The following IGF2BP2 variants were observed in gnomAD, a reference collection of about 807,000 sequenced individuals.
IGF2BP2 encodes insulin like growth factor 2 mRNA binding protein 2, also known as insulin-like growth factor 2 mRNA-binding protein 2.
Under a neutral mutation model 75.8 loss-of-function variants are expected in IGF2BP2, and 17 were observed. The observed-to-expected ratio is 0.22, with a 90% CI of 0.15 to 0.34. The LOEUF is 0.34. Ranked by LOEUF, IGF2BP2 falls within the 10% of genes least tolerant of loss-of-function variation. The probability of loss-of-function intolerance (pLI) is 1.00; values close to 1 mark genes in which losing one functional copy is unlikely to be tolerated. For missense variants in IGF2BP2, 516 were observed against 772.4 expected, an observed-to-expected ratio of 0.67 and a Z score of 3.93; for synonymous variants, 288 against 295.6, an observed-to-expected ratio of 0.97 and a Z score of 0.26.
intron 2 of IGF2BP2, among the ~76,000 whole-genome samples, chr3:185,762,392 G>C (rs1484219922): frequency 1.4e-5 from 2 of 142,632 alleles, no homozygotes; most frequent in African/African-American, 2.7e-5. Context: ...AAAAAGCCGG[G>C]TGTGGTGGCA....
chr3:185,659,697 T>C (rs1716099906), intron 10 of IGF2BP2, among the ~76,000 whole-genome samples: 1 of 152,078 alleles, frequency 6.6e-6, no homozygotes, highest in Non-Finnish European at 1.5e-5. Flanking sequence ...TTTTACTGAA[T>C]AGGTACTGTG....
intron 2 of IGF2BP2, among the ~76,000 whole-genome samples, chr3:185,804,345 T>C (rs1461242750): frequency 3.3e-5 from 5 of 151,776 alleles, no homozygotes; most frequent in African/African-American, 1.2e-4. Flanking sequence ...GGCAGGAGAA[T>C]TGCTTGAACC....
intron 14 of IGF2BP2, among the ~76,000 whole-genome samples, chr3:185,648,694 C>T (rs946839384): frequency 1.3e-4 from 20 of 152,288 alleles, no homozygotes; most frequent in South Asian, 1.2e-3. Flanking sequence ...CTACAGACCA[C>T]CTGGCTCATT....
chr3:185,798,370 T>A (rs1462579474), intron 2 of IGF2BP2, among the ~76,000 whole-genome samples: 1 of 152,206 alleles, frequency 6.6e-6, no homozygotes, highest in African/African-American at 2.4e-5. Context: ...TTTAGAGACT[T>A]AGGCTATCCA....
At chr3:185,734,333 T>C (rs1213843088) in intron 2 of IGF2BP2, among the ~76,000 whole-genome samples, 1 of 152,230 alleles carries the variant, frequency 6.6e-6, no homozygotes, top group Non-Finnish European at 1.5e-5. Context: ...GTGAAGTGAC[T>C]TGCCCAAGGT....
intron 2 of IGF2BP2, among the ~76,000 whole-genome samples, chr3:185,799,729 G>A (rs1251739322): frequency 6.6e-6 from 1 of 151,160 alleles, no homozygotes; most frequent in Non-Finnish European, 1.5e-5. Flanking sequence ...TCCAGCCTGG[G>A]AGACAGAGCG....
chr3:185,733,266 A>G (rs1728426024), intron 2 of IGF2BP2, among the ~76,000 whole-genome samples: 1 of 152,316 alleles, frequency 6.6e-6, no homozygotes, highest in South Asian at 2.1e-4. Context: ...CCATTTCCGT[A>G]TATTTCAGGA....
chr3:185,709,313 T>C lies in IGF2BP2; in HGVS notation c.240-10966A>G, dbSNP rs1055966361. 2.0e-5 allele frequency among the ~76,000 whole-genome samples: 3 copies of C among 152,252 alleles called. No individual in the cohort carries two copies. The South Asian group carries it at 6.2e-4, about 32-fold the overall frequency. ...TGGTTCTCCAAACAGCACTTGAATC[T>C]GTCCCTTTCCTTCCTCCCCTACTAC... On this transcript the variant is annotated intron_variant, in intron 2 of 15. Transcript: ENST00000382199.
At chr3:185,649,571 G>A (rs1439584015) in intron 13 of IGF2BP2, 37 bp from the exon 14 acceptor site, 1 of 1,611,216 alleles carries the variant, frequency 6.2e-7, no homozygotes, top group Non-Finnish European at 8.5e-7. Flanking sequence ...CTCTCAGTCA[G>A]CCAGCAGCCG....
At chr3:185,670,426 G>A (rs950880132) in intron 10 of IGF2BP2, among the ~76,000 whole-genome samples, 1 of 152,090 alleles carries the variant, frequency 6.6e-6, no homozygotes, top group Non-Finnish European at 1.5e-5. Flanking sequence ...CACTACAGGG[G>A]GAAAGCAGGA....
Position 185,649,438 on chromosome 3 carries a change from T to C in IGF2BP2, c.1558A>G (p.Thr520Ala). Residue 520 changes from threonine (T) to alanine (A), a missense_variant, in exon 14 of 16, where the codon ACA becomes GCA. Around this residue, in one of 3 missense-constraint regions of IGF2BP2, gnomAD observed 129 missense variants for 230.5 expected, o/e 0.56. Coordinates refer to ENST00000382199, the MANE Select transcript of IGF2BP2 (RefSeq NM_006548.6). ...CCTTTGCCAATCACCCGGCCAGCTG[T>C]GGAAGAGGGCACTCTGATATGCGCT... ...LEAHIRVPSS[T>A]AGRVIGKGGK... 1 of 1,613,998 alleles carries C rather than the reference T, an allele frequency of 6.2e-7. No individual in the cohort carries two copies. Among genetic ancestry groups the C allele is most frequent in the Non-Finnish European group, 8.5e-7 (1 of 1,180,004 alleles).
intron 2 of IGF2BP2, among the ~76,000 whole-genome samples, chr3:185,818,983 T>C (rs974366598): frequency 2.0e-5 from 3 of 152,182 alleles, no homozygotes; most frequent in African/African-American, 7.2e-5. Flanking sequence ...CTAAATCTTC[T>C]TTTAAAAATA....
At chr3:185,787,548 C>T (rs1033610285) in intron 2 of IGF2BP2, among the ~76,000 whole-genome samples, 2 of 152,070 alleles carry the variant, frequency 1.3e-5, no homozygotes, top group Non-Finnish European at 2.9e-5. Flanking sequence ...GCCTGGCCAA[C>T]GTGGTGAAAC....
chr3:185,771,267 C>T (rs1436017050), intron 2 of IGF2BP2, among the ~76,000 whole-genome samples: 1 of 151,930 alleles, frequency 6.6e-6, no homozygotes, highest in South Asian at 2.1e-4. Flanking sequence ...TGGTGAAACC[C>T]CTGTCTCTAC....
At chr3:185,747,127 G>C (rs1412283986) in intron 2 of IGF2BP2, among the ~76,000 whole-genome samples, 2 of 152,306 alleles carry the variant, frequency 1.3e-5, no homozygotes, top group East Asian at 3.9e-4. Flanking sequence ...GAATTACTAT[G>C]TTTTAACTTT....
chr3:185,751,612 T>A (rs1730979189), intron 2 of IGF2BP2, among the ~76,000 whole-genome samples: 1 of 151,234 alleles, frequency 6.6e-6, no homozygotes, highest in Admixed American at 6.6e-5. Flanking sequence ...GCCATCGCAC[T>A]CCAGCCTGAG....
chr3:185,813,411 T>C (rs1170606343), intron 2 of IGF2BP2, among the ~76,000 whole-genome samples: 2 of 151,828 alleles, frequency 1.3e-5, no homozygotes. Flanking sequence ...ACTCAGGGAG[T>C]TTTACAAGGC....
intron 2 of IGF2BP2, among the ~76,000 whole-genome samples, chr3:185,815,353 CA>C (rs1342341908): frequency 6.6e-6 from 1 of 152,122 alleles, no homozygotes; most frequent in Non-Finnish European, 1.5e-5. Context: ...GAATAATATA[CA>C]AAGTTACTTT....
At chr3:185,812,267 G>A (rs1041552709) in intron 2 of IGF2BP2, among the ~76,000 whole-genome samples, 4 of 152,166 alleles carry the variant, frequency 2.6e-5, no homozygotes, top group African/African-American at 4.8e-5. Flanking sequence ...ACTTGTTTTC[G>A]ATGAATGAAT....
Sources: allele counts gnomAD v4.1 joint callset (sites outside exome capture counted in the v4.1 genomes callset), GRCh38; gene constraint gnomAD v4.1.1; regional missense constraint gnomAD v4.1.1; transcripts MANE v1.5; gene names NCBI Gene and HGNC (gene_info 2026-07-23, HGNC 2026-07-21).